LPP: variants seen among roughly 807,000 people sequenced by gnomAD.
LPP encodes LIM domain containing preferred translocation partner in lipoma.
A neutral mutation model predicts 60.4 loss-of-function variants in LPP; 38 were observed. The ratio of observed to expected loss-of-function variants is 0.63; its 90% CI spans 0.49 to 0.83. The LOEUF is 0.83. Among genes scored for constraint, LPP ranks in the 40% least tolerant of loss-of-function variants. LPP has a pLI of 0.00. For missense variants in LPP, 902 were observed against 783.6 expected, an observed-to-expected ratio of 1.15 and a Z score of -1.80; for synonymous variants, 328 against 290.8, an observed-to-expected ratio of 1.13 and a Z score of -1.30.
intron 9 of LPP, among the ~76,000 whole-genome samples, chr3:188,813,144 G>T (rs992288699): frequency 6.6e-6 from 1 of 152,040 alleles, no homozygotes; most frequent in Non-Finnish European, 1.5e-5. Context: ...TAGAATTTAC[G>T]AATCGAATTA....
At chr3:188,301,305 A>G (rs533311329) in intron 2 of LPP, among the ~76,000 whole-genome samples, 1 of 152,290 alleles carries the variant, frequency 6.6e-6, no homozygotes, top group Non-Finnish European at 1.5e-5. Flanking sequence ...TGCATTTTAC[A>G]CTGTGGGTTA....
intron 2 of LPP, among the ~76,000 whole-genome samples, chr3:188,316,442 GAAA>G (rs796197283): frequency 6.7e-6 from 1 of 148,334 alleles, no homozygotes; most frequent in South Asian, 2.2e-4. Flanking sequence ...CCTACTGGAA[GAAA>G]AAAAAAATAA....
intron 7 of LPP, among the ~76,000 whole-genome samples, chr3:188,673,081 G>T (rs1368185006): frequency 6.6e-6 from 1 of 151,964 alleles, no homozygotes; most frequent in Non-Finnish European, 1.5e-5. Context: ...AGAGAAAAAG[G>T]CATATAAATA....
intron 4 of LPP, among the ~76,000 whole-genome samples, chr3:188,466,984 A>T (rs1449290678): frequency 7.9e-6 from 1 of 126,284 alleles, no homozygotes; most frequent in Non-Finnish European, 1.6e-5. Flanking sequence ...AACATTTTTC[A>T]TTCTGTTTAT....
At chr3:188,562,064 GACACACACA>G (rs1205931288) in intron 6 of LPP, among the ~76,000 whole-genome samples, 16 of 151,458 alleles carry the variant, frequency 1.1e-4, no homozygotes, top group East Asian at 5.9e-4. Context: ...GACACACACA[GACACACACA>G]GACACACACA....
At chr3:188,836,630 T>C (rs1437373390) in intron 9 of LPP, among the ~76,000 whole-genome samples, 1 of 152,270 alleles carries the variant, frequency 6.6e-6, no homozygotes. Flanking sequence ...CTTAATTCTA[T>C]TAGATGCGCT....
intron 9 of LPP, among the ~76,000 whole-genome samples, chr3:188,837,546 G>A (rs1281761915): frequency 6.6e-6 from 1 of 151,972 alleles, no homozygotes; most frequent in Admixed American, 6.6e-5. Flanking sequence ...GAGAACAATA[G>A]TCACCCTCAT....
Position 188,878,759 on chromosome 3 carries a change from TAAAA to T in LPP, c.*4293_*4296del. 1 of 153,580 alleles carries T rather than the reference TAAAA, an allele frequency of 6.5e-6. No individual in the cohort carries two copies. Among genetic ancestry groups the T allele is most frequent in the Non-Finnish European group, 1.3e-5 (1 of 76,298 alleles). The allele number at this position is 153,580 out of a possible 1,614,324, so 9.5% of individuals were successfully genotyped here. On this transcript the variant is annotated 3_prime_UTR_variant, in exon 12 of 12. Coordinates refer to ENST00000617246, the MANE Select transcript of LPP (RefSeq NM_001375462.1). Reference sequence around the variant, plus strand: ...ATATACTCACCAAAAAGTAAAAAAGTAAAAAAAAAAAAAAAAGAAAGAAAGAAAA... The same window carrying T: ...ATATACTCACCAAAAAGTAAAAAAGTAAAAAAAAAAAAGAAAGAAAGAAAA...
chr3:188,568,439 C>A (rs972587090), intron 6 of LPP: 2 of 151,950 alleles, frequency 1.3e-5, no homozygotes, highest in Admixed American at 6.6e-5. Flanking sequence ...CGATATTGAG[C>A]ATCTGATATG....
chr3:188,495,082 A>ATATTTTTTTT lies in LPP; in HGVS notation c.306+10379_306+10380insATTTTTTTTT, dbSNP rs1342207321. Reference sequence around the variant, plus strand: ...CAGGATTTTATATATATATATATATATTTTATTTATATTTTATTATATATT... The same window carrying ATATTTTTTTT: ...CAGGATTTTATATATATATATATATATATTTTTTTTTTTTATTTATATTTTATTATATATT... On this transcript the variant is annotated intron_variant, in intron 5 of 11. Transcript: ENST00000617246. Among the ~76,000 whole-genome samples the ATATTTTTTTT allele has an allele frequency of 2.8e-3, 272 of 97,242 alleles. 12 individuals are homozygous for ATATTTTTTTT. The highest frequency in any genetic ancestry group is 0.011 in the African/African-American group (267 of 25,078). The allele number at this position is 97,242 out of a possible 152,430, so 63.8% of individuals were successfully genotyped here. A position where few individuals can be genotyped will look rare whatever the true frequency, so the allele number is the denominator to read the frequency against.
At chr3:188,460,086 TA>T (rs1357026698) in intron 4 of LPP, among the ~76,000 whole-genome samples, 2 of 152,222 alleles carry the variant, frequency 1.3e-5, no homozygotes, top group African/African-American at 2.4e-5. Context: ...TTGTCCACCT[TA>T]TGACAAAAAT....
At chr3:188,800,157 T>G (rs1746594014) in intron 9 of LPP, among the ~76,000 whole-genome samples, 1 of 145,120 alleles carries the variant, frequency 6.9e-6, no homozygotes, top group Non-Finnish European at 1.5e-5. Flanking sequence ...CTCTACTGAT[T>G]AGTATTTAAC....
At chr3:188,399,735 C>T (rs950301789) in intron 3 of LPP, among the ~76,000 whole-genome samples, 1 of 152,152 alleles carries the variant, frequency 6.6e-6, no homozygotes, top group Non-Finnish European at 1.5e-5. Context: ...TTTTGATAAA[C>T]ACTACTCTAA....
At chr3:188,407,190 A>T (rs1312920916) in intron 4 of LPP, among the ~76,000 whole-genome samples, 1 of 136,470 alleles carries the variant, frequency 7.3e-6, no homozygotes. Flanking sequence ...CATTAAAAAA[A>T]TTATTAATAT....
chr3:188,333,925 T>C (rs1398373625), intron 2 of LPP, among the ~76,000 whole-genome samples: 1 of 152,190 alleles, frequency 6.6e-6, no homozygotes, highest in Admixed American at 6.5e-5. Context: ...TACAATAAAT[T>C]GTTGGTAATT....
chr3:188,781,615 C>T (rs569625243), intron 9 of LPP, among the ~76,000 whole-genome samples: 4 of 151,710 alleles, frequency 2.6e-5, no homozygotes, highest in East Asian at 1.9e-4. Flanking sequence ...TCGGTGCGGT[C>T]GCTCACACCT....
chr3:188,500,177 C>G (rs1208227996), intron 5 of LPP, among the ~76,000 whole-genome samples: 5 of 151,820 alleles, frequency 3.3e-5, no homozygotes, highest in Non-Finnish European at 7.4e-5. Context: ...TATTCCTAAT[C>G]TTAGAGGAAA....
At chr3:188,329,016 C>T (rs920238070) in intron 2 of LPP, among the ~76,000 whole-genome samples, 2 of 152,090 alleles carry the variant, frequency 1.3e-5, no homozygotes, top group Non-Finnish European at 2.9e-5. Context: ...AGTTTTTTTA[C>T]CCACTGTTAT....
intron 4 of LPP, among the ~76,000 whole-genome samples, chr3:188,475,800 G>A (rs1370375653): frequency 1.3e-5 from 2 of 152,204 alleles, no homozygotes; most frequent in African/African-American, 4.8e-5. Flanking sequence ...CTACTCGGGA[G>A]GCTGAGGCAG....
Sources: gnomAD v4.1 joint callset for allele counts (sites outside exome capture counted in the v4.1 genomes callset) on GRCh38, gnomAD v4.1.1 for gene constraint, MANE v1.5 for transcripts, NCBI Gene and HGNC (gene_info 2026-07-23, HGNC 2026-07-21) for gene names.